Variants in MUC22 observed in about 807,000 individuals in gnomAD.
The protein encoded by MUC22 is mucin-22.
A neutral mutation model predicts 40.3 loss-of-function variants in MUC22; 24 were observed. The observed-to-expected ratio is 0.60, with a 90% confidence interval of 0.43 to 0.84. MUC22 has a LOEUF of 0.84. MUC22 is among the 40% of genes least tolerant of loss of function. The pLI is 0.00. For synonymous variants in MUC22, 765 were observed against 844.5 expected, an observed-to-expected ratio of 0.91 and a Z score of 1.63; for missense variants, 1,926 against 2,130.7, an observed-to-expected ratio of 0.90 and a Z score of 1.89.
chr6:31,015,832 T>C (rs1397430689), intron 1 of MUC22, among the ~76,000 whole-genome samples: 1 of 152,176 alleles, frequency 6.6e-6, no homozygotes, highest in Non-Finnish European at 1.5e-5. Context: ...AGTAGAAAGT[T>C]GTATCAGTCA....
chr6:31,019,686 T>A (rs1290531210), intron 1 of MUC22, among the ~76,000 whole-genome samples: 1 of 152,156 alleles, frequency 6.6e-6, no homozygotes. Context: ...AAACTCTGTT[T>A]CTACTAGAAA....
intron 1 of MUC22, 120 bp from the exon 2 acceptor site, chr6:31,025,382 C>G (rs1202887319): frequency 1.7e-6 from 2 of 1,207,328 alleles, no homozygotes; most frequent in African/African-American, 3.1e-5. Context: ...ATGTTAAGCC[C>G]TCAATAACTG....
At chr6:31,024,645 A>G (rs1478291546) in intron 1 of MUC22, among the ~76,000 whole-genome samples, 5 of 152,148 alleles carry the variant, frequency 3.3e-5, no homozygotes, top group Admixed American at 3.3e-4. Context: ...ATGTAAATAC[A>G]CCTTTGGGTT....
At position 31,029,630 on chromosome 6, in the gene MUC22, C is replaced by T. The variant is rs1405752919; in HGVS notation, c.4199C>T (p.Thr1400Ile). 1.3e-5 allele frequency: 20 copies of T among 1,535,502 alleles called. No individual in the cohort carries two copies. In the South Asian group the frequency reaches 2.0e-4, roughly 16 times the overall value. ...GGCTCTGAGATGACTACAGTCTTTA[C>T]CACAGTCTCTGAGACCACCACAGTC... Residue 1400 changes from threonine (T) to isoleucine (I), a missense_variant, in exon 2 of 4, where the codon ACC (threonine) becomes ATC (isoleucine). Physicochemically the swap from Thr to Ile is moderately conservative, Grantham distance 89 (BLOSUM62 -1). Coordinates refer to ENST00000561890, the Ensembl canonical transcript of MUC22.
chr6:31,027,664 A>G, exon 2 of MUC22: 1 of 1,531,094 alleles, frequency 6.5e-7, no homozygotes, highest in Non-Finnish European at 8.7e-7. Flanking sequence ...AGGCTTGGAG[A>G]CCACCACAGT....
upstream of MUC22, among the ~76,000 whole-genome samples, chr6:31,006,684 G>GAT (rs139521324): frequency 0.15 from 22,368 of 151,980 alleles, 1,699 homozygotes; most frequent in Admixed American, 0.2. Flanking sequence ...GACATACTGT[G>GAT]ATATATGTAT....
At chr6:31,021,786 G>C (rs1224578025) in intron 1 of MUC22, among the ~76,000 whole-genome samples, 1 of 152,188 alleles carries the variant, frequency 6.6e-6, no homozygotes, top group East Asian at 1.9e-4. Context: ...CAGGATGTGG[G>C]TGGGGCCAGA....
At chr6:31,007,511 TG>T (rs1763595337), upstream of MUC22, among the ~76,000 whole-genome samples, 1 of 152,144 alleles carries the variant, frequency 6.6e-6, no homozygotes, top group Admixed American at 6.5e-5. The surrounding 1 kb of genome is among the most constrained non-coding windows in gnomAD (Gnocchi z 4.0). Context: ...CTACTTGAAT[TG>T]GGGGTAAACT....
At position 31,026,974 on chromosome 6, in the gene MUC22, AC is replaced by A; in HGVS notation, c.1545del (p.Asn516ThrfsTer46). The stretch of plus-strand genomic sequence containing the variant: ...TGCAGCCTCTACTGAAGATTCTGAA[AC>A]CAACACAGCATTTACTGAAGATTCT... On this transcript the variant is annotated frameshift_variant, in exon 2 of 4. Transcript: ENST00000561890. LOFTEE classifies it high-confidence loss of function. 1 of 1,493,766 alleles carries A rather than the reference AC, an allele frequency of 6.7e-7. No homozygotes were observed. The highest frequency in any genetic ancestry group is 8.9e-7 in the Non-Finnish European group (1 of 1,119,202). 92.5% of individuals were successfully genotyped at this position (1,493,766 alleles called of 1,614,324 possible). A position where few individuals can be genotyped will look rare whatever the true frequency, so the allele number is the denominator to read the frequency against.
rs1581664213 is a variant in MUC22, at chr6:31,029,187, C to T, written c.3756C>T (p.Gly1252=). The T allele has an allele frequency of 3.3e-6, 5 of 1,535,018 alleles. No homozygotes were observed. In the East Asian group the frequency reaches 9.8e-5, roughly 30 times the overall value. The change falls in exon 2 of 4, where the codon GGC becomes GGT. Residue 1252 remains glycine (G), a synonymous_variant. Coordinates refer to ENST00000561890, the Ensembl canonical transcript of MUC22. ...AGACCACCACAGCCTCTATTGAAGGCTCTGAGACCACTACAGTCTCCTCCA... is the reference window on the plus strand; with the variant it reads ...AGACCACCACAGCCTCTATTGAAGGTTCTGAGACCACTACAGTCTCCTCCA...
intron 3 of MUC22, 32 bp from the exon 4 acceptor site, chr6:31,034,640 C>T (rs1344784493): frequency 6.7e-7 from 1 of 1,502,172 alleles, no homozygotes; most frequent in Non-Finnish European, 8.9e-7. Context: ...ACTTAATTTT[C>T]ATTTATCAAT....
At chr6:31,016,648 C>T (rs116137250) in intron 1 of MUC22, among the ~76,000 whole-genome samples, 400 of 152,384 alleles carry the variant, frequency 2.6e-3, no homozygotes, top group African/African-American at 9.1e-3. Context: ...TGGCAGCCCT[C>T]GCTCAGTCTC....
chr6:31,027,551 C>G lies in MUC22; in HGVS notation c.2120C>G (p.Thr707Arg), dbSNP rs972384388. 1.3e-6 allele frequency: 2 copies of G among 1,528,306 alleles called. No individual in the cohort carries two copies. The highest frequency in any genetic ancestry group is 2.8e-5 in the African/African-American group (2 of 72,576). The allele number at this position is 1,528,306 out of a possible 1,614,324, so 94.7% of individuals were successfully genotyped here. ...TCTACTTCAGACTCTGAGACCACCA[C>G]AGCTTCTACTGAAGGTTCTGAGACC... is the stretch of plus-strand genomic sequence containing the variant. Residue 707 changes from threonine (T) to arginine (R), a missense_variant, in exon 2 of 4, where the codon ACA becomes AGA. Transcript: ENST00000561890.
chr6:31,019,960 G>T (rs1764548781), intron 1 of MUC22, among the ~76,000 whole-genome samples: 1 of 152,122 alleles, frequency 6.6e-6, no homozygotes, highest in African/African-American at 2.4e-5. Flanking sequence ...GAAAATGAAT[G>T]AATAGAATAC....
chr6:31,021,101 C>G (rs895472785), intron 1 of MUC22, among the ~76,000 whole-genome samples: 1 of 152,262 alleles, frequency 6.6e-6, no homozygotes, highest in African/African-American at 2.4e-5. Context: ...GGGCTGAGGA[C>G]TGTGAGCGCA....
At chr6:31,029,925 T>G in exon 2 of MUC22, 1 of 1,509,796 alleles carries the variant, frequency 6.6e-7, no homozygotes, top group Non-Finnish European at 8.8e-7. Context: ...GCACCATAGC[T>G]TCCACTGCAA....
chr6:31,026,588 C>A lies in MUC22; in HGVS notation c.1157C>A (p.Thr386Asn), dbSNP rs201856601. The change falls in exon 2 of 4, where the codon ACC becomes AAC. Residue 386 changes from threonine (T) to asparagine (N), a missense_variant. Around this residue, in one of 3 missense-constraint regions of MUC22, gnomAD observed 1,281 missense variants for 1,337.8 expected, o/e 0.96. Transcript: ENST00000561890. ...ACAAACTCTACTACAAGCTCTGAGA[C>A]CACCGTCACCTCTACTGCAGGCTCT... 4,910 of 1,506,810 alleles carry A rather than the reference C, an allele frequency of 3.3e-3. 518 individuals are homozygous for A. Among genetic ancestry groups the A allele is most frequent in the Non-Finnish European group, 4.0e-3 (4,480 of 1,128,500 alleles). 93.3% of individuals were successfully genotyped at this position (1,506,810 alleles called of 1,614,324 possible).
rs1229171419 is a variant in MUC22 at position 31,032,425 on chromosome 6, C to G, written c.4899C>G (p.Gly1633=). Residue 1633 remains glycine (G), a synonymous_variant, in exon 3 of 4, where the codon GGC becomes GGG. Transcript: ENST00000561890. The surrounding 1 kb of genome is among the most constrained non-coding windows in gnomAD (Gnocchi z 4.1). ...CCAGCAGCACCTTCCAGGAAACAGG[C>G]CCGGTGTCCATGGGCACAAACACAG... The G allele has an allele frequency of 6.5e-7, 1 of 1,535,602 alleles. No individual in the cohort carries two copies. The highest frequency in any genetic ancestry group is 8.7e-7 in the Non-Finnish European group (1 of 1,146,908).
At chr6:31,033,699 T>A (rs1766245016) in intron 3 of MUC22, among the ~76,000 whole-genome samples, 1 of 152,210 alleles carries the variant, frequency 6.6e-6, no homozygotes, top group Admixed American at 6.5e-5. Flanking sequence ...GATGTGACAC[T>A]GGTAGCTTAA....
Sources: allele counts gnomAD v4.1 joint callset (sites outside exome capture counted in the v4.1 genomes callset), GRCh38; gene constraint gnomAD v4.1.1; regional missense constraint gnomAD v4.1.1; non-coding constraint Gnocchi (gnomAD v3.1); transcripts MANE v1.5; gene names NCBI Gene and HGNC (gene_info 2026-07-23, HGNC 2026-07-21).